PARN: variants seen among roughly 807,000 people sequenced by gnomAD.
PARN encodes poly(A)-specific ribonuclease, also known as poly(A)-specific ribonuclease PARN.
A neutral mutation model predicts 102.8 loss-of-function variants in PARN; 71 were observed. The ratio of observed to expected loss-of-function variants is 0.69; its 90% CI spans 0.57 to 0.84. The LOEUF (loss-of-function observed/expected upper bound fraction) is 0.84, where lower values mean the gene tolerates loss of function less well. Ranked by LOEUF, PARN falls within the 40% of genes least tolerant of loss-of-function variation. The pLI is 0.00. For synonymous variants in PARN, 261 were observed against 252.9 expected (o/e 1.03, Z -0.30); for missense variants, 782 against 760.9 (o/e 1.03, Z -0.33).
chr16:14,584,829 T>C, intron 14 of PARN, 38 bp from the exon 15 acceptor site: 1 of 1,171,872 alleles, frequency 8.5e-7, no homozygotes, highest in Non-Finnish European at 1.2e-6. Context: ...AAAATGTATA[T>C]CAATGTTTAA....
intron 6 of PARN, among the ~76,000 whole-genome samples, chr16:14,612,182 T>A (rs1174442280): frequency 1.3e-5 from 2 of 152,178 alleles, no homozygotes; most frequent in Non-Finnish European, 2.9e-5. Context: ...CTCACGCCTA[T>A]AATCCAACCA....
At chr16:14,497,142 C>A (rs944373224) in intron 21 of PARN, among the ~76,000 whole-genome samples, 1 of 152,154 alleles carries the variant, frequency 6.6e-6, no homozygotes, top group African/African-American at 2.4e-5. Flanking sequence ...TCTCATACGT[C>A]CTTTTCTTCG....
At chr16:14,489,907 G>A (rs1963965802) in intron 21 of PARN, among the ~76,000 whole-genome samples, 1 of 152,238 alleles carries the variant, frequency 6.6e-6, no homozygotes, top group Non-Finnish European at 1.5e-5. Flanking sequence ...GGTGGCTCAT[G>A]CCTATAATCC....
intron 22 of PARN, among the ~76,000 whole-genome samples, chr16:14,448,151 AT>A (rs147629404): frequency 6.2e-4 from 88 of 142,352 alleles, no homozygotes; most frequent in Non-Finnish European, 3.8e-4. Flanking sequence ...TGTCTGGCTA[AT>A]TTTTTTTTTT....
At chr16:14,473,492 A>G (rs1962865512) in intron 22 of PARN, among the ~76,000 whole-genome samples, 1 of 152,218 alleles carries the variant, frequency 6.6e-6, no homozygotes, top group African/African-American at 2.4e-5. Context: ...TAAAAATATA[A>G]TTTGGTTAAG....
chr16:14,457,813 A>T, intron 22 of PARN, among the ~76,000 whole-genome samples: 1 of 150,042 alleles, frequency 6.7e-6, no homozygotes, highest in African/African-American at 2.4e-5. Flanking sequence ...AAAAAAAAAA[A>T]AAAAAAAAAA....
intron 21 of PARN, among the ~76,000 whole-genome samples, chr16:14,498,370 G>A (rs1000581172): frequency 6.6e-6 from 1 of 152,044 alleles, no homozygotes; most frequent in African/African-American, 2.4e-5. Context: ...TAGTAAATGG[G>A]ACAATTTTGT....
chr16:14,626,786 T>C (rs889022091), intron 5 of PARN, among the ~76,000 whole-genome samples: 2 of 151,898 alleles, frequency 1.3e-5, no homozygotes, highest in African/African-American at 4.8e-5. Context: ...CAAATTTTTT[T>C]TTTTGTATTT....
intron 21 of PARN, among the ~76,000 whole-genome samples, chr16:14,512,698 A>G (rs944319320): frequency 2.0e-5 from 3 of 152,114 alleles, no homozygotes; most frequent in Non-Finnish European, 4.4e-5. Flanking sequence ...GACCCCAGAA[A>G]TCCAAGTGGG....
intron 21 of PARN, among the ~76,000 whole-genome samples, chr16:14,544,897 T>C (rs1567368367): frequency 3.3e-5 from 5 of 152,064 alleles, no homozygotes; most frequent in Non-Finnish European, 7.4e-5. Flanking sequence ...AGTGAAGATA[T>C]AGAATAAGAC....
chr16:14,545,515 C>G (rs1054591060), intron 21 of PARN, among the ~76,000 whole-genome samples: 5 of 152,176 alleles, frequency 3.3e-5, no homozygotes, highest in Non-Finnish European at 5.9e-5. Context: ...TAACATACAA[C>G]TAACGCAGTA....
intron 22 of PARN, among the ~76,000 whole-genome samples, chr16:14,478,088 G>A (rs927707805): frequency 6.6e-6 from 1 of 152,098 alleles, no homozygotes; most frequent in African/African-American, 2.4e-5. Context: ...TTGGGAGGTG[G>A]GAGGATCTCT....
intron 5 of PARN, among the ~76,000 whole-genome samples, chr16:14,620,973 T>G (rs527822705): frequency 2.0e-4 from 31 of 152,360 alleles, no homozygotes; most frequent in African/African-American, 7.5e-4. Context: ...ATACCGTATA[T>G]ATCTTTAATA....
intron 6 of PARN, 65 bp downstream of exon 6, chr16:14,617,525 G>C: frequency 2.4e-6 from 2 of 849,334 alleles, no homozygotes; most frequent in Non-Finnish European, 4.1e-6. Flanking sequence ...ACCAAGTTCA[G>C]ACTTACTTCC....
chr16:14,504,565 T>C (rs1964790596), intron 21 of PARN, among the ~76,000 whole-genome samples: 1 of 151,318 alleles, frequency 6.6e-6, no homozygotes, highest in African/African-American at 2.4e-5. Context: ...TCTCAAAAAA[T>C]AAATAAATAA....
intron 23 of PARN, among the ~76,000 whole-genome samples, chr16:14,439,161 C>T (rs534018267): frequency 6.6e-6 from 1 of 151,942 alleles, no homozygotes; most frequent in East Asian, 1.9e-4. Context: ...GGCTTGAGCC[C>T]AGGAGTTTGG....
chr16:14,529,549 A>C (rs147014459), intron 21 of PARN, among the ~76,000 whole-genome samples: 1 of 152,232 alleles, frequency 6.6e-6, no homozygotes, highest in East Asian at 1.9e-4. Context: ...ATTGAAGCCC[A>C]CTGCGCCCTA....
chr16:14,595,452 A>G (rs1162443106), intron 12 of PARN, among the ~76,000 whole-genome samples: 8 of 151,746 alleles, frequency 5.3e-5, no homozygotes, highest in Non-Finnish European at 1.2e-4. Context: ...GCAGCCTCAA[A>G]CTCCCATGCT....
intron 21 of PARN, among the ~76,000 whole-genome samples, chr16:14,525,352 T>C (rs765864834): frequency 6.6e-5 from 10 of 152,228 alleles, no homozygotes; most frequent in South Asian, 2.1e-4. Flanking sequence ...TTAATACTGA[T>C]GTGGTATTTT....
Sources: allele counts gnomAD v4.1 joint callset (sites outside exome capture counted in the v4.1 genomes callset), GRCh38; gene constraint gnomAD v4.1.1; transcripts MANE v1.5; gene names NCBI Gene and HGNC (gene_info 2026-07-23, HGNC 2026-07-21).